The following CSMD3 variants were observed in gnomAD, a reference collection of about 807,000 sequenced individuals.
CSMD3 encodes CUB and Sushi multiple domains 3, also known as CUB and sushi domain-containing protein 3.
CSMD3 carries 177 observed loss-of-function variants against 435.2 expected under a neutral mutation model. That is an observed-to-expected ratio of 0.41 (90% CI 0.36 to 0.46). The LOEUF is 0.46. Ranked by LOEUF, CSMD3 falls within the 20% of genes least tolerant of loss-of-function variation. The pLI is 0.34. For synonymous variants in CSMD3, 1,656 were observed against 1,520.5 expected (o/e 1.09, Z -2.07); for missense variants, 4,265 against 4,504.6 (o/e 0.95, Z 1.52).
At chr8:113,051,884 T>C (rs924230263) in intron 5 of CSMD3, among the ~76,000 whole-genome samples, 1 of 152,154 alleles carries the variant, frequency 6.6e-6, no homozygotes, top group Non-Finnish European at 1.5e-5. Flanking sequence ...CAAGATGATA[T>C]GTCAATAACA....
At chr8:112,270,379 T>TTAGGG (rs372120025) in intron 59 of CSMD3, among the ~76,000 whole-genome samples, 19 of 108,970 alleles carry the variant, frequency 1.7e-4, no homozygotes, top group East Asian at 3.3e-4. Flanking sequence ...TGTGTGTGTG[T>TTAGGG]GTGTGTGTGT....
chr8:113,039,990 A>C (rs1397912523), intron 5 of CSMD3, among the ~76,000 whole-genome samples: 2 of 152,160 alleles, frequency 1.3e-5, no homozygotes, highest in Non-Finnish European at 2.9e-5. Context: ...CTTGTTGGAG[A>C]GGGAAAAAAT....
At chr8:113,025,247 G>A (rs978043565) in intron 5 of CSMD3, among the ~76,000 whole-genome samples, 8 of 152,044 alleles carry the variant, frequency 5.3e-5, no homozygotes, top group Non-Finnish European at 8.8e-5. Context: ...CCGATTTTAT[G>A]TGGTAGTTTT....
chr8:112,777,518 C>T (rs1209494643), intron 13 of CSMD3, among the ~76,000 whole-genome samples: 1 of 151,528 alleles, frequency 6.6e-6, no homozygotes, highest in Non-Finnish European at 1.5e-5. Context: ...AAGGTGTAAG[C>T]CAAGATATTT....
intron 8 of CSMD3, among the ~76,000 whole-genome samples, chr8:112,948,249 T>C (rs974873644): frequency 6.6e-6 from 1 of 151,984 alleles, no homozygotes; most frequent in Non-Finnish European, 1.5e-5. Context: ...CCACCAGTTA[T>C]GATAGTTTTA....
At chr8:112,372,118 GCA>G (rs1047012960) in intron 38 of CSMD3, among the ~76,000 whole-genome samples, 3 of 151,762 alleles carry the variant, frequency 2.0e-5, no homozygotes, top group African/African-American at 7.3e-5. Context: ...ACACACATAT[GCA>G]CACACACACA....
At chr8:113,210,274 C>T (rs950075318) in intron 3 of CSMD3, among the ~76,000 whole-genome samples, 13 of 152,144 alleles carry the variant, frequency 8.5e-5, no homozygotes, top group South Asian at 2.1e-4. Flanking sequence ...TACACAGATT[C>T]ATGGAGTATG....
chr8:113,253,810 G>A (rs564477128), intron 3 of CSMD3, among the ~76,000 whole-genome samples: 1 of 150,982 alleles, frequency 6.6e-6, no homozygotes, highest in African/African-American at 2.4e-5. Flanking sequence ...CTGCACTGCA[G>A]TCTGGTGACA....
At chr8:113,348,337 T>C (rs890469098) in intron 1 of CSMD3, among the ~76,000 whole-genome samples, 5 of 152,148 alleles carry the variant, frequency 3.3e-5, no homozygotes, top group Non-Finnish European at 5.9e-5. Context: ...ATTTATGTAA[T>C]TTCTCAAGAT....
intron 6 of CSMD3, among the ~76,000 whole-genome samples, chr8:112,992,721 G>T (rs925622296): frequency 6.6e-6 from 1 of 151,918 alleles, no homozygotes; most frequent in Non-Finnish European, 1.5e-5. Context: ...AGTCAGCAAT[G>T]GAGAAGGGAA....
intron 4 of CSMD3, among the ~76,000 whole-genome samples, chr8:113,169,564 T>C (rs2092229089): frequency 6.6e-6 from 1 of 152,164 alleles, no homozygotes; most frequent in African/African-American, 2.4e-5. Context: ...TAATCTAAAA[T>C]TCACATTTCT....
At chr8:112,306,880 C>CTA in intron 50 of CSMD3, among the ~76,000 whole-genome samples, 1 of 152,068 alleles carries the variant, frequency 6.6e-6, no homozygotes, top group African/African-American at 2.4e-5. Context: ...ATTAGTTTTA[C>CTA]TATGATGTGA....
intron 22 of CSMD3, among the ~76,000 whole-genome samples, chr8:112,622,260 C>T (rs1480370951): frequency 6.6e-6 from 1 of 152,098 alleles, no homozygotes; most frequent in Admixed American, 6.6e-5. Context: ...CTCTCCTGTC[C>T]AACTTTACTG....
intron 20 of CSMD3, among the ~76,000 whole-genome samples, chr8:112,639,943 G>C (rs2074775837): frequency 6.6e-6 from 1 of 152,060 alleles, no homozygotes; most frequent in Admixed American, 6.6e-5. Flanking sequence ...ATGTATCTAG[G>C]AATGGAATTA....
At chr8:112,472,001 G>A (rs1257905467) in intron 32 of CSMD3, among the ~76,000 whole-genome samples, 1 of 152,150 alleles carries the variant, frequency 6.6e-6, no homozygotes, top group African/African-American at 2.4e-5. Flanking sequence ...CGTGTGATCA[G>A]AAAGATGTGA....
chr8:112,308,042 A>G (rs1225394435), intron 50 of CSMD3, among the ~76,000 whole-genome samples: 1 of 152,186 alleles, frequency 6.6e-6, no homozygotes, highest in Non-Finnish European at 1.5e-5. Context: ...ACTGCTGAAT[A>G]ATTGATCTTC....
chr8:113,434,783 A>G (rs991731635), intron 1 of CSMD3, among the ~76,000 whole-genome samples: 2 of 152,150 alleles, frequency 1.3e-5, no homozygotes, highest in African/African-American at 4.8e-5. Context: ...CATTCGGAAA[A>G]TACGGTAGGT....
In CSMD3 at chr8:112,361,568, CATACATATATATATATATATATATAT is replaced by C. The variant is rs1210181861; in HGVS notation, c.6137-9060_6137-9035del. Among the ~76,000 whole-genome samples, 7 of 35,596 alleles carry C rather than the reference CATACATATATATATATATATATATAT, an allele frequency of 2.0e-4. No homozygotes were observed. The East Asian group carries it at 5.0e-3, about 25-fold the overall frequency. 23.4% of individuals were successfully genotyped at this position (35,596 alleles called of 152,430 possible). On this transcript the variant is annotated intron_variant, in intron 38 of 70. Coordinates refer to ENST00000297405, the MANE Select transcript of CSMD3 (RefSeq NM_198123.2). The stretch of plus-strand genomic sequence containing the variant: ...AAAAGTGTGTATGTATATATATACA[CATACATATATATATATATATATATAT>C]ATATATATATATATATATATATATA...
chr8:112,872,923 A>G (rs941950079), intron 10 of CSMD3, among the ~76,000 whole-genome samples: 1 of 151,882 alleles, frequency 6.6e-6, no homozygotes, highest in Non-Finnish European at 1.5e-5. Context: ...AGAAGTAAGA[A>G]CAGAAAGAAT....
Sources: gnomAD v4.1 joint callset for allele counts (sites outside exome capture counted in the v4.1 genomes callset) on GRCh38, gnomAD v4.1.1 for gene constraint, MANE v1.5 for transcripts, NCBI Gene and HGNC (gene_info 2026-07-23, HGNC 2026-07-21) for gene names.